Variants in RNF150 observed in about 807,000 individuals in gnomAD.
RNF150 encodes ring finger protein 150.
A neutral mutation model predicts 39.3 loss-of-function variants in RNF150; 24 were observed. The ratio of observed to expected loss-of-function variants is 0.61; its 90% CI spans 0.44 to 0.86. The LOEUF is 0.86. Ranked by LOEUF, RNF150 falls within the 40% of genes least tolerant of loss-of-function variation. The pLI, the probability that RNF150 is intolerant of heterozygous loss-of-function variation, is 0.00. For synonymous variants in RNF150, 255 were observed against 227.3 expected (o/e 1.12, Z -1.10); for missense variants, 502 against 587.8 (o/e 0.85, Z 1.51).
At chr4:140,928,697 C>T (rs940199914) in intron 4 of RNF150, among the ~76,000 whole-genome samples, 3 of 152,162 alleles carry the variant, frequency 2.0e-5, no homozygotes, top group Admixed American at 6.5e-5. Context: ...CAGGCGCCTG[C>T]CACCACGCCC....
At chr4:141,024,518 T>C (rs1197619617) in intron 1 of RNF150, among the ~76,000 whole-genome samples, 3 of 152,146 alleles carry the variant, frequency 2.0e-5, no homozygotes, top group Non-Finnish European at 4.4e-5. Context: ...TTATCGCTGG[T>C]TAAACACAAA....
At chr4:141,007,856 C>A (rs1734930882) in intron 1 of RNF150, among the ~76,000 whole-genome samples, 1 of 152,174 alleles carries the variant, frequency 6.6e-6, no homozygotes, top group African/African-American at 2.4e-5. Context: ...TTCCTACAAC[C>A]AAACAGTAGG....
intron 2 of RNF150, among the ~76,000 whole-genome samples, chr4:140,954,268 C>T (rs1455363955): frequency 6.6e-6 from 1 of 152,064 alleles, no homozygotes; most frequent in East Asian, 1.9e-4. Context: ...GGCTGGAGTG[C>T]AATGGCGTGA....
chr4:141,094,439 T>C (rs1738701385), intron 1 of RNF150, among the ~76,000 whole-genome samples: 2 of 152,280 alleles, frequency 1.3e-5, no homozygotes, highest in African/African-American at 4.8e-5. Flanking sequence ...TAATATAGAA[T>C]ATGACCAAGA....
At chr4:141,192,076 T>C (rs1057144866) in intron 1 of RNF150, among the ~76,000 whole-genome samples, 1 of 152,190 alleles carries the variant, frequency 6.6e-6, no homozygotes, top group Non-Finnish European at 1.5e-5. Flanking sequence ...GCTTCCTCTC[T>C]TACAGCAGCA....
rs367904843 is a variant in RNF150 at position 141,128,304 on chromosome 4, G to T, written c.484+4021C>A. On this transcript the variant is annotated intron_variant, in intron 1 of 6. Coordinates refer to ENST00000515673, the MANE Select transcript of RNF150 (RefSeq NM_020724.2). ...TTCACATAACAAGCAATCGAGGTAT[G>T]GTGTTATCCTCCACTTCACAAAGGA... 7.9e-5 allele frequency among the ~76,000 whole-genome samples: 12 copies of T among 152,224 alleles called. No homozygotes were observed. In the East Asian group the frequency reaches 1.5e-3, roughly 20 times the overall value.
intron 1 of RNF150, among the ~76,000 whole-genome samples, chr4:141,161,235 A>T (rs1156231407): frequency 6.6e-6 from 1 of 152,156 alleles, no homozygotes; most frequent in Non-Finnish European, 1.5e-5. Flanking sequence ...TTTAGCAAAA[A>T]CCCCTGTTTT....
intron 1 of RNF150, among the ~76,000 whole-genome samples, chr4:141,119,474 T>A (rs950615905): frequency 6.6e-6 from 1 of 152,222 alleles, no homozygotes; most frequent in Non-Finnish European, 1.5e-5. Context: ...GGCAGCACTA[T>A]GCTCAACTAC....
intron 5 of RNF150, among the ~76,000 whole-genome samples, chr4:140,914,589 GAA>G (rs1730741790): frequency 6.6e-6 from 1 of 152,190 alleles, no homozygotes; most frequent in African/African-American, 2.4e-5. Flanking sequence ...GCTGGCATAT[GAA>G]AGTCCCAGGT....
intron 1 of RNF150, among the ~76,000 whole-genome samples, chr4:141,016,632 G>C (rs906898185): frequency 6.6e-6 from 1 of 152,174 alleles, no homozygotes; most frequent in African/African-American, 2.4e-5. Context: ...AACCTGCCCT[G>C]TATCAAAAAC....
chr4:140,928,879 G>C (rs970592913), intron 4 of RNF150, among the ~76,000 whole-genome samples: 1 of 152,124 alleles, frequency 6.6e-6, no homozygotes, highest in Non-Finnish European at 1.5e-5. Flanking sequence ...CATATTTCCT[G>C]CTGGTTCTAA....
At chr4:141,091,857 A>T (rs1738594382) in intron 1 of RNF150, among the ~76,000 whole-genome samples, 1 of 152,200 alleles carries the variant, frequency 6.6e-6, no homozygotes, top group Non-Finnish European at 1.5e-5. Flanking sequence ...GCCAAAAAGG[A>T]ATCACCACCA....
intron 1 of RNF150, among the ~76,000 whole-genome samples, chr4:141,189,316 T>C (rs1311983097): frequency 6.6e-6 from 1 of 152,178 alleles, no homozygotes; most frequent in African/African-American, 2.4e-5. Flanking sequence ...GGAGCTCTCC[T>C]GTATGAGGTG....
chr4:141,183,111 C>A (rs547940671), intron 1 of RNF150, among the ~76,000 whole-genome samples: 1 of 152,238 alleles, frequency 6.6e-6, no homozygotes, highest in Admixed American at 6.5e-5. Context: ...GAAAACTTTT[C>A]CACATATAAT....
chr4:141,037,866 T>C (rs1166641362), intron 1 of RNF150, among the ~76,000 whole-genome samples: 1 of 152,162 alleles, frequency 6.6e-6, no homozygotes, highest in Admixed American at 6.6e-5. Flanking sequence ...TTAACCATGG[T>C]CATAAAAATA....
intron 1 of RNF150, among the ~76,000 whole-genome samples, chr4:141,209,767 A>G (rs998812539): frequency 1.3e-5 from 2 of 152,154 alleles, no homozygotes; most frequent in South Asian, 2.1e-4. Flanking sequence ...GGGGGTATCT[A>G]TAAAAAAAAA....
intron 1 of RNF150, among the ~76,000 whole-genome samples, chr4:141,088,120 G>C (rs1398953281): frequency 6.6e-6 from 1 of 152,058 alleles, no homozygotes; most frequent in Non-Finnish European, 1.5e-5. Flanking sequence ...TATAAACTGA[G>C]ATGTCAAAAA....
chr4:140,957,258 C>G (rs1222601362), intron 2 of RNF150, among the ~76,000 whole-genome samples: 2 of 152,156 alleles, frequency 1.3e-5, no homozygotes, highest in Admixed American at 1.3e-4. Flanking sequence ...ACAGACACTT[C>G]TCAAAAGAGG....
chr4:140,997,361 G>T (rs1294169883), intron 1 of RNF150, among the ~76,000 whole-genome samples: 1 of 152,152 alleles, frequency 6.6e-6, no homozygotes, highest in Non-Finnish European at 1.5e-5. Flanking sequence ...GGTGGCTCAT[G>T]CCTGTAATCC....
Sources: gnomAD v4.1 joint callset for allele counts (sites outside exome capture counted in the v4.1 genomes callset) on GRCh38, gnomAD v4.1.1 for gene constraint, MANE v1.5 for transcripts, NCBI Gene and HGNC (gene_info 2026-07-23, HGNC 2026-07-21) for gene names.